SLIT3: variants seen among roughly 807,000 people sequenced by gnomAD.
The protein encoded by SLIT3 is slit guidance ligand 3, also known as slit homolog 3 protein.
Under a neutral mutation model 184.0 loss-of-function variants are expected in SLIT3, and 68 were observed. The observed-to-expected ratio is 0.37, with a 90% CI of 0.30 to 0.45. The LOEUF is 0.45. SLIT3 is among the 20% of genes least tolerant of loss of function. The pLI is 1.00. For missense variants in SLIT3, 1,707 were observed against 2,026.0 expected (o/e 0.84, Z 3.02); for synonymous variants, 831 against 828.6 (o/e 1.00, Z -0.05).
chr5:168,883,884 A>G (rs1180397828), intron 4 of SLIT3, among the ~76,000 whole-genome samples: 1 of 152,110 alleles, frequency 6.6e-6, no homozygotes, highest in Non-Finnish European at 1.5e-5. Context: ...GGGGGCCCCT[A>G]GACCTTCTTA....
chr5:169,204,616 T>A (rs1043268719), intron 3 of SLIT3, among the ~76,000 whole-genome samples: 1 of 152,252 alleles, frequency 6.6e-6, no homozygotes, highest in East Asian at 1.9e-4. Context: ...GGGATGGCAG[T>A]GGCCTTTGGC....
At chr5:169,166,812 G>T (rs1002220311) in intron 4 of SLIT3, among the ~76,000 whole-genome samples, 1 of 152,134 alleles carries the variant, frequency 6.6e-6, no homozygotes, top group African/African-American at 2.4e-5. Flanking sequence ...CATGTCACTT[G>T]GAGAATGTAG....
At chr5:169,136,555 G>T (rs936558426) in intron 4 of SLIT3, among the ~76,000 whole-genome samples, 1 of 152,186 alleles carries the variant, frequency 6.6e-6, no homozygotes, top group Non-Finnish European at 1.5e-5. Context: ...CCCGTCGTGG[G>T]TCAGTCTGGA....
intron 5 of SLIT3, among the ~76,000 whole-genome samples, chr5:168,872,741 T>A (rs1269293848): frequency 6.7e-6 from 1 of 150,080 alleles, no homozygotes; most frequent in East Asian, 2.0e-4. Flanking sequence ...CAGGTTCAAG[T>A]GATTCTCCTG....
At chr5:169,021,901 T>C (rs560176905) in intron 4 of SLIT3, among the ~76,000 whole-genome samples, 3 of 152,266 alleles carry the variant, frequency 2.0e-5, no homozygotes, top group Non-Finnish European at 2.9e-5. Flanking sequence ...ATTCAGTTCA[T>C]TGGTCATACT....
At chr5:168,988,985 T>C (rs1225943508) in intron 4 of SLIT3, among the ~76,000 whole-genome samples, 1 of 152,230 alleles carries the variant, frequency 6.6e-6, no homozygotes, top group Non-Finnish European at 1.5e-5. Context: ...TAAAGCAAAC[T>C]CCTGCTCTCA....
At chr5:168,685,068 C>T (rs942618650) in intron 31 of SLIT3, among the ~76,000 whole-genome samples, 3 of 152,236 alleles carry the variant, frequency 2.0e-5, no homozygotes, top group East Asian at 1.9e-4. Context: ...CTCATGCCTC[C>T]GCCTCCCAAT....
chr5:168,808,729 C>T lies in SLIT3; in HGVS notation c.794-2142G>A, dbSNP rs1413510180. ...GAAAATACCTAACATCTTTACCTCC[C>T]CTGCTCCACCTCTCTTTGCAGACAG... is the stretch of plus-strand genomic sequence containing the variant. On this transcript the variant is annotated intron_variant, in intron 8 of 35. Coordinates refer to ENST00000519560, the MANE Select transcript of SLIT3 (RefSeq NM_003062.4). Among the ~76,000 whole-genome samples the T allele has an allele frequency of 1.3e-5, 2 of 152,166 alleles. 1 individual carries two copies. The highest frequency in any genetic ancestry group is 1.3e-4 in the Admixed American group (2 of 15,286).
At chr5:169,278,698 A>G (rs1318171973) in intron 1 of SLIT3, among the ~76,000 whole-genome samples, 1 of 151,986 alleles carries the variant, frequency 6.6e-6, no homozygotes, top group African/African-American at 2.4e-5. Context: ...TTCCTTCATT[A>G]TTTTCCAGGT....
intron 4 of SLIT3, among the ~76,000 whole-genome samples, chr5:169,107,607 C>T (rs1161063063): frequency 6.6e-6 from 1 of 152,210 alleles, no homozygotes; most frequent in African/African-American, 2.4e-5. Context: ...AAATGGGAGG[C>T]CCCGGCCATG....
chr5:169,216,604 A>G (rs1380819920), intron 3 of SLIT3, among the ~76,000 whole-genome samples: 1 of 152,174 alleles, frequency 6.6e-6, no homozygotes, highest in Non-Finnish European at 1.5e-5. Context: ...TTGGGGAAGA[A>G]CGTGCTGTAA....
intron 4 of SLIT3, among the ~76,000 whole-genome samples, chr5:168,883,855 G>A (rs999143024): frequency 1.3e-5 from 2 of 152,116 alleles, no homozygotes; most frequent in African/African-American, 2.4e-5. Flanking sequence ...CAGCTTACTC[G>A]AGAGTCCCAG....
At chr5:169,101,382 C>T (rs990992584) in intron 4 of SLIT3, among the ~76,000 whole-genome samples, 2 of 152,158 alleles carry the variant, frequency 1.3e-5, no homozygotes, top group Admixed American at 6.5e-5. Flanking sequence ...GAAACTTGCT[C>T]TTGGGAGAGG....
At chr5:169,288,732 A>C (rs1311018080) in intron 1 of SLIT3, among the ~76,000 whole-genome samples, 5 of 152,120 alleles carry the variant, frequency 3.3e-5, no homozygotes, top group Non-Finnish European at 7.4e-5. Flanking sequence ...GGACACTGTC[A>C]CTTATTAATT....
intron 26 of SLIT3, among the ~76,000 whole-genome samples, chr5:168,704,086 G>A (rs989178910): frequency 6.6e-6 from 1 of 151,522 alleles, no homozygotes; most frequent in Admixed American, 6.6e-5. Flanking sequence ...GGCATGTCCT[G>A]GGAGCTGATT....
At chr5:168,989,994 G>A (rs1484211098) in intron 4 of SLIT3, among the ~76,000 whole-genome samples, 4 of 152,212 alleles carry the variant, frequency 2.6e-5, no homozygotes, top group African/African-American at 9.6e-5. Flanking sequence ...AGCCATCAAA[G>A]TTCCACGGCC....
intron 4 of SLIT3, among the ~76,000 whole-genome samples, chr5:169,094,140 G>T (rs1220917469): frequency 6.6e-6 from 1 of 152,184 alleles, no homozygotes; most frequent in African/African-American, 2.4e-5. Flanking sequence ...TTGGAGCCAG[G>T]ATTTGAGTCC....
intron 4 of SLIT3, among the ~76,000 whole-genome samples, chr5:169,051,007 C>T (rs1233682908): frequency 5.3e-5 from 8 of 152,140 alleles, no homozygotes; most frequent in Admixed American, 2.0e-4. Flanking sequence ...TATCTGAAAA[C>T]GTCACTAGCA....
intron 4 of SLIT3, among the ~76,000 whole-genome samples, chr5:168,976,806 A>G (rs1754778873): frequency 6.6e-6 from 1 of 152,248 alleles, no homozygotes; most frequent in Non-Finnish European, 1.5e-5. Flanking sequence ...AATTATCTAC[A>G]CTGCAATGTA....
Sources: allele counts gnomAD v4.1 joint callset (sites outside exome capture counted in the v4.1 genomes callset), GRCh38; gene constraint gnomAD v4.1.1; transcripts MANE v1.5; gene names NCBI Gene and HGNC (gene_info 2026-07-23, HGNC 2026-07-21).